The following ANKS1B variants were observed in gnomAD, a reference collection of about 807,000 sequenced individuals.
ANKS1B encodes the protein ankyrin repeat and sterile alpha motif domain containing 1B, also known as ankyrin repeat and sterile alpha motif domain-containing protein 1B.
A neutral mutation model predicts 148.3 loss-of-function variants in ANKS1B; 36 were observed. That is an observed-to-expected ratio of 0.24 (90% CI 0.19 to 0.32). ANKS1B has a LOEUF of 0.32. Among genes scored for constraint, ANKS1B ranks in the 10% least tolerant of loss-of-function variants. ANKS1B has a pLI of 1.00. For synonymous variants in ANKS1B, 542 were observed against 560.8 expected, an observed-to-expected ratio of 0.97 and a Z score of 0.47; for missense variants, 1,157 against 1,542.6, an observed-to-expected ratio of 0.75 and a Z score of 4.19.
At chr12:99,464,249 A>G (rs1219192361) in intron 10 of ANKS1B, among the ~76,000 whole-genome samples, 1 of 152,194 alleles carries the variant, frequency 6.6e-6, no homozygotes, top group African/African-American at 2.4e-5. Flanking sequence ...TTAGAGGGAA[A>G]ACTAACAAAC....
chr12:99,927,834 C>T (rs1186074276), intron 1 of ANKS1B, among the ~76,000 whole-genome samples: 2 of 152,054 alleles, frequency 1.3e-5, no homozygotes, highest in Non-Finnish European at 1.5e-5. Context: ...TAAGTTTGTA[C>T]TATTTTTATA....
chr12:98,975,332 C>T (rs1458703260), intron 17 of ANKS1B, among the ~76,000 whole-genome samples: 1 of 147,034 alleles, frequency 6.8e-6, no homozygotes, highest in Non-Finnish European at 1.5e-5. Context: ...CTCCTTCTTT[C>T]CTTTCCTTTC....
At position 98,919,097 on chromosome 12, in the gene ANKS1B, G is replaced by T. The variant is rs189972922; in HGVS notation, c.2779-86961C>A. On this transcript the variant is annotated intron_variant, in intron 17 of 26. Coordinates refer to ENST00000683438, the MANE Select transcript of ANKS1B (RefSeq NM_001352186.2). ...TTTGTTTCAAAGGGTTTCTTTTTGC[G>T]GAAAAAAATCTTTTTCTGTTTTCTA... 9.1e-4 allele frequency among the ~76,000 whole-genome samples: 138 copies of T among 151,780 alleles called. 1 individual carries two copies. The highest frequency in any genetic ancestry group is 2.2e-3 in the Admixed American group (33 of 15,246).
intron 1 of ANKS1B, among the ~76,000 whole-genome samples, chr12:99,939,613 G>C (rs762229967): frequency 6.6e-6 from 1 of 152,134 alleles, no homozygotes; most frequent in Non-Finnish European, 1.5e-5. Context: ...CATAAGGAAT[G>C]AAAGTGATGT....
intron 14 of ANKS1B, among the ~76,000 whole-genome samples, chr12:99,168,632 G>C (rs997342320): frequency 2.0e-5 from 3 of 152,136 alleles, no homozygotes; most frequent in African/African-American, 7.2e-5. Context: ...TCTCTGAAAA[G>C]GTAATATTTA....
In ANKS1B at chr12:99,877,149, T is replaced by C. The variant is rs565858222; in HGVS notation, c.135-51760A>G. 3.6e-3 allele frequency among the ~76,000 whole-genome samples: 538 copies of C among 150,698 alleles called. 1 individual carries two copies. The highest frequency in any genetic ancestry group is 6.4e-3 in the Non-Finnish European group (431 of 67,636). ...ACATAATGTGGGGTGATATCCATAA[T>C]TGTAGTTATAATGACTAAGTAAATA... On this transcript the variant is annotated intron_variant, in intron 1 of 26. Transcript: ENST00000683438.
chr12:98,985,614 A>G (rs2099922862), intron 17 of ANKS1B, among the ~76,000 whole-genome samples: 1 of 151,764 alleles, frequency 6.6e-6, no homozygotes, highest in African/African-American at 2.4e-5. Flanking sequence ...AATAATATAT[A>G]TTATTTCACA....
intron 1 of ANKS1B, among the ~76,000 whole-genome samples, chr12:99,847,235 A>G (rs1424467056): frequency 6.6e-6 from 1 of 151,876 alleles, no homozygotes; most frequent in Non-Finnish European, 1.5e-5. Context: ...CCTCCTGAGT[A>G]GCTGGGACAA....
At chr12:99,590,326 G>A (rs1255592228) in intron 9 of ANKS1B, among the ~76,000 whole-genome samples, 2 of 143,512 alleles carry the variant, frequency 1.4e-5, no homozygotes, top group East Asian at 4.3e-4. Flanking sequence ...AAACAAAAAA[G>A]GCATAGTCCT....
At chr12:99,544,185 A>G (rs548166580) in intron 9 of ANKS1B, among the ~76,000 whole-genome samples, 1 of 152,330 alleles carries the variant, frequency 6.6e-6, no homozygotes, top group African/African-American at 2.4e-5. Flanking sequence ...ATATCTGAAT[A>G]AGTCTGGGTA....
intron 10 of ANKS1B, among the ~76,000 whole-genome samples, chr12:99,444,308 G>A (rs1228754634): frequency 6.6e-6 from 1 of 151,854 alleles, no homozygotes; most frequent in East Asian, 1.9e-4. Context: ...AAGCACCCTA[G>A]TGAATGAAGC....
At chr12:99,711,935 G>A (rs2056693672) in intron 8 of ANKS1B, among the ~76,000 whole-genome samples, 1 of 152,092 alleles carries the variant, frequency 6.6e-6, no homozygotes, top group African/African-American at 2.4e-5. Flanking sequence ...CAAAGACATG[G>A]AATCAAACTA....
chr12:99,390,885 A>C (rs1372393831), intron 12 of ANKS1B, among the ~76,000 whole-genome samples: 1 of 152,236 alleles, frequency 6.6e-6, no homozygotes, highest in Non-Finnish European at 1.5e-5. Context: ...GCTAGGAAAG[A>C]CAGATGGCCG....
intron 9 of ANKS1B, among the ~76,000 whole-genome samples, chr12:99,565,973 T>C (rs1483770155): frequency 6.6e-6 from 1 of 152,150 alleles, no homozygotes; most frequent in African/African-American, 2.4e-5. Context: ...AAAAAATCAG[T>C]GAGGCACACC....
intron 8 of ANKS1B, among the ~76,000 whole-genome samples, chr12:99,699,395 G>C (rs1457281691): frequency 6.6e-6 from 1 of 152,046 alleles, no homozygotes; most frequent in African/African-American, 2.4e-5. Flanking sequence ...TCTCTTCAGT[G>C]CTGACTTTCT....
chr12:99,360,849 G>A lies in ANKS1B; in HGVS notation c.1756+38782C>T, dbSNP rs147233111. Among the ~76,000 whole-genome samples the A allele has an allele frequency of 5.3e-3, 807 of 152,136 alleles. 6 individuals carry two copies. The highest frequency in any genetic ancestry group is 8.7e-3 in the Non-Finnish European group (594 of 67,986). On this transcript the variant is annotated intron_variant, in intron 12 of 26. Coordinates refer to ENST00000683438, the MANE Select transcript of ANKS1B (RefSeq NM_001352186.2). ...GAGATCATTCTGTTAAGTGAAACAC[G>A]CCAGGCACATAAAAACAAACACACA...
intron 25 of ANKS1B, among the ~76,000 whole-genome samples, chr12:98,756,884 C>T (rs1164748761): frequency 4.0e-5 from 6 of 151,670 alleles, no homozygotes; most frequent in African/African-American, 9.7e-5. Flanking sequence ...CCCACCACCA[C>T]GCCTGGCTAC....
rs575139528 is a variant in ANKS1B, at chr12:99,754,323, T to G, written c.1128+18599A>C. Among the ~76,000 whole-genome samples, 7 of 152,268 alleles carry G rather than the reference T, an allele frequency of 4.6e-5. No homozygotes were observed. The South Asian group carries it at 1.5e-3, about 32-fold the overall frequency. Reference sequence around the variant, plus strand: ...AAGATCTAACTATCCTAAATATATATGCACCCAACACAGGAGGAAGCAGAT... The same window carrying G: ...AAGATCTAACTATCCTAAATATATAGGCACCCAACACAGGAGGAAGCAGAT... On this transcript the variant is annotated intron_variant, in intron 8 of 26. Transcript: ENST00000683438.
Position 99,984,577 on chromosome 12 carries a change from G to T in ANKS1B, c.-340C>A, listed in dbSNP as rs538749862. On this transcript the variant is annotated 5_prime_UTR_variant, in exon 1 of 27. Transcript: ENST00000683438. ...GACTCGGGGGTGCTTTTGAGGAGCG[G>T]GAGGAGGGTGGTGAGGACTGAGGTC... 48 of 221,570 alleles carry T rather than the reference G, an allele frequency of 2.2e-4. No individual in the cohort carries two copies. The highest frequency in any genetic ancestry group is 1.0e-3 in the African/African-American group (45 of 44,944). 13.7% of individuals were successfully genotyped at this position (221,570 alleles called of 1,614,324 possible).
Sources: allele counts gnomAD v4.1 joint callset (sites outside exome capture counted in the v4.1 genomes callset), GRCh38; gene constraint gnomAD v4.1.1; transcripts MANE v1.5; gene names NCBI Gene and HGNC (gene_info 2026-07-23, HGNC 2026-07-21).